The following MBD3L1 variants were observed in gnomAD, a reference collection of about 807,000 sequenced individuals.
The protein encoded by MBD3L1 is methyl-CpG-binding domain protein 3-like 1.
For missense variants in MBD3L1, 203 were observed against 230.1 expected, an observed-to-expected ratio of 0.88 and a Z score of 0.76; for synonymous variants, 84 against 85.1, an observed-to-expected ratio of 0.99 and a Z score of 0.07.
At chr19:8,838,851 G>A (rs1355462049) in intron 1 of MBD3L1, among the ~76,000 whole-genome samples, 5 of 152,128 alleles carry the variant, frequency 3.3e-5, no homozygotes, top group Non-Finnish European at 7.3e-5. Context: ...TGCTGGAGGC[G>A]GCTATGTGCA....
Position 8,832,527 on chromosome 19 carries a change from G to A in MBD3L1, c.-107+5G>A, listed in dbSNP as rs1320127970. ...TGGCCTGGGGCAGTAGCGGGGGTAA[G>A]GTTGGCCCTGGGGGCGGGGCCAGGC... On this transcript the variant is annotated splice_donor_5th_base_variant and intron_variant, in intron 1 of 2. Transcript: ENST00000595891. 1 of 153,178 alleles carries A rather than the reference G, an allele frequency of 6.5e-6. No homozygotes were observed. The highest frequency in any genetic ancestry group is 2.4e-5 in the African/African-American group (1 of 41,478). The allele number at this position is 153,178 out of a possible 1,614,324, so 9.5% of individuals were successfully genotyped here. A position where few individuals can be genotyped will look rare whatever the true frequency, so the allele number is the denominator to read the frequency against.
rs756613479 is a variant in MBD3L1, at chr19:8,842,917, CAGG to C, written c.242_244del (p.Gly81del). The C allele has an allele frequency of 1.9e-6, 3 of 1,614,226 alleles. No homozygotes were observed. Among genetic ancestry groups the C allele is most frequent in the Non-Finnish European group, 1.7e-6 (2 of 1,180,028 alleles). ...CAGGGACTCCAGGCTTACAGCAGTG[CAGG>C]AGAACTTTCAAGCACTTTGGATCTT... On this transcript the variant is annotated inframe_deletion, in exon 3 of 3. Transcript: ENST00000595891.
intron 1 of MBD3L1, chr19:8,833,234 C>G (rs2044405778): frequency 6.6e-6 from 1 of 152,134 alleles, no homozygotes; most frequent in Non-Finnish European, 1.5e-5. Flanking sequence ...GTTCATACAA[C>G]CCAATAGGAT....
At chr19:8,840,199 A>C (rs576124946) in intron 1 of MBD3L1, among the ~76,000 whole-genome samples, 3,269 of 151,762 alleles carry the variant, frequency 0.022, 51 homozygotes, top group Non-Finnish European at 0.036. Context: ...AAAAAAAAAA[A>C]CAAAAACAGA....
At chr19:8,840,183 C>CAAA (rs775620947) in intron 1 of MBD3L1, among the ~76,000 whole-genome samples, 1 of 60,072 alleles carries the variant, frequency 1.7e-5, no homozygotes, top group Non-Finnish European at 3.6e-5. Flanking sequence ...GACTCCGTCT[C>CAAA]AAAAAAAAAA....
chr19:8,838,766 G>A (rs2044480895), intron 1 of MBD3L1, among the ~76,000 whole-genome samples: 1 of 152,198 alleles, frequency 6.6e-6, no homozygotes, highest in Non-Finnish European at 1.5e-5. Context: ...TAGGTTGCAA[G>A]GATGCAACAG....
At position 8,842,954 on chromosome 19, in the gene MBD3L1, C is replaced by T. The variant is rs765764976; in HGVS notation, c.276C>T (p.Thr92=). Residue 92 remains threonine, a synonymous_variant, in exon 3 of 3, where the codon ACC becomes ACT. Transcript: ENST00000595891. ...CAAGCACTTTGGATCTTGCCAATAC[C>T]TTGCAAAAACTTGTCCCTAGTTACA... ...ELSSTLDLAN[T]LQKLVPSYTG... is the part of the protein sequence containing the mutation. 3.1e-6 allele frequency: 5 copies of T among 1,614,190 alleles called. No individual in the cohort carries two copies. In the Admixed American group the frequency reaches 5.0e-5, roughly 16 times the overall value.
chr19:8,832,402 G>C lies in MBD3L1; in HGVS notation c.-227G>C, dbSNP rs922537345. On this transcript the variant is annotated 5_prime_UTR_variant, in exon 1 of 3. Transcript: ENST00000595891. Reference sequence around the variant, plus strand: ...GCAGAGTCGAGCGTGTTGGGGGTTCGGCGCTTAGGCGACAGGCGCGGCGGG... The same window carrying C: ...GCAGAGTCGAGCGTGTTGGGGGTTCCGCGCTTAGGCGACAGGCGCGGCGGG... 2 of 152,860 alleles carry C rather than the reference G, an allele frequency of 1.3e-5. No homozygotes were observed. The highest frequency in any genetic ancestry group is 2.4e-5 in the African/African-American group (1 of 41,474). The allele number at this position is 152,860 out of a possible 1,614,324, so 9.5% of individuals were successfully genotyped here.
intron 2 of MBD3L1, 80 bp from the exon 3 acceptor site, chr19:8,842,578 C>A: frequency 9.7e-7 from 1 of 1,029,294 alleles, no homozygotes; most frequent in Non-Finnish European, 1.4e-6. Context: ...GGATGAAAGT[C>A]CAGAACAGCT....
chr19:8,838,331 G>A (rs902444353), intron 1 of MBD3L1, among the ~76,000 whole-genome samples: 1 of 145,558 alleles, frequency 6.9e-6, no homozygotes. Flanking sequence ...GCCACCTGTG[G>A]AAATGACAGA....
intron 2 of MBD3L1, chr19:8,842,455 G>A (rs1418390739): frequency 1.9e-6 from 1 of 524,948 alleles, no homozygotes; most frequent in Non-Finnish European, 3.4e-6. Flanking sequence ...ACAAGGAGGG[G>A]GTTTGCAGGA....
chr19:8,835,048 GTTTT>G (rs777643019), intron 1 of MBD3L1, among the ~76,000 whole-genome samples: 4 of 142,222 alleles, frequency 2.8e-5, no homozygotes, highest in Non-Finnish European at 6.2e-5. Flanking sequence ...TGAACAAAGA[GTTTT>G]TTTTTTTTTT....
intron 1 of MBD3L1, among the ~76,000 whole-genome samples, chr19:8,839,832 G>A (rs1433587435): frequency 6.6e-6 from 1 of 152,134 alleles, no homozygotes; most frequent in South Asian, 2.1e-4. Context: ...GTTTAGGAGA[G>A]GAGTGTCTGT....
At chr19:8,841,903 C>CTGGGGTG (rs1401930797) in intron 2 of MBD3L1, among the ~76,000 whole-genome samples, 5 of 152,256 alleles carry the variant, frequency 3.3e-5, no homozygotes, top group African/African-American at 1.2e-4. Flanking sequence ...CTGAAAATGT[C>CTGGGGTG]TGGGGTGTGG....
chr19:8,834,612 A>C (rs1055174912), intron 1 of MBD3L1, among the ~76,000 whole-genome samples: 3 of 151,584 alleles, frequency 2.0e-5, no homozygotes, highest in African/African-American at 7.3e-5. Context: ...ATCAAAAAAA[A>C]AAAACAAACC....
chr19:8,842,318 CAAAA>C (rs35231202), intron 2 of MBD3L1, among the ~76,000 whole-genome samples: 2 of 114,216 alleles, frequency 1.8e-5, no homozygotes. Flanking sequence ...CGGAGTGGGA[CAAAA>C]AAAAAAAAAA....
intron 1 of MBD3L1, among the ~76,000 whole-genome samples, chr19:8,835,210 C>T (rs2044442754): frequency 6.6e-6 from 1 of 152,112 alleles, no homozygotes; most frequent in Non-Finnish European, 1.5e-5. Flanking sequence ...CACCACCACG[C>T]CTGGCTAATT....
rs898825650 is a variant in MBD3L1 at position 8,842,671 on chromosome 19, G to A, written c.-8G>A. ...TTATTTTAATAGTGTAAGAGGAAAA[G>A]AAGTGTGATGGCCAAGAGTTCACAG... is the stretch of plus-strand genomic sequence containing the variant. On this transcript the variant is annotated 5_prime_UTR_variant, in exon 3 of 3. Coordinates refer to ENST00000595891, the MANE Select transcript of MBD3L1 (RefSeq NM_001393532.1). 1 of 1,610,762 alleles carries A rather than the reference G, an allele frequency of 6.2e-7. No homozygotes were observed. The highest frequency in any genetic ancestry group is 8.5e-7 in the Non-Finnish European group (1 of 1,177,896).
At chr19:8,838,984 C>A (rs931053892) in intron 1 of MBD3L1, among the ~76,000 whole-genome samples, 1 of 152,134 alleles carries the variant, frequency 6.6e-6, no homozygotes, top group Non-Finnish European at 1.5e-5. Context: ...TGTTCTCCCC[C>A]AACCAGGGGC....
Sources: gnomAD v4.1 joint callset for allele counts (sites outside exome capture counted in the v4.1 genomes callset) on GRCh38, gnomAD v4.1.1 for gene constraint, MANE v1.5 for transcripts, NCBI Gene and HGNC (gene_info 2026-07-23, HGNC 2026-07-21) for gene names.